The following ZNF385D variants were observed in gnomAD, a reference collection of about 807,000 sequenced individuals.
The protein encoded by ZNF385D is zinc finger protein 385D.
Under a neutral mutation model 35.8 loss-of-function variants are expected in ZNF385D, and 15 were observed. The ratio of observed to expected loss-of-function variants is 0.42; its 90% confidence interval spans 0.28 to 0.64. The LOEUF (loss-of-function observed/expected upper bound fraction) is 0.64, where lower values mean the gene tolerates loss of function less well. Among genes scored for constraint, ZNF385D ranks in the 30% least tolerant of loss-of-function variants. The pLI is 0.23. For synonymous variants in ZNF385D, 212 were observed against 186.8 expected, an observed-to-expected ratio of 1.13 and a Z score of -1.10; for missense variants, 474 against 494.6, an observed-to-expected ratio of 0.96 and a Z score of 0.39.
chr3:21,937,289 T>A (rs1310710778), intron 3 of ZNF385D, among the ~76,000 whole-genome samples: 1 of 152,126 alleles, frequency 6.6e-6, no homozygotes, highest in Non-Finnish European at 1.5e-5. Flanking sequence ...AATCACAGCC[T>A]CTTATTCTGC....
chr3:22,186,046 C>A (rs1468219646), intron 2 of ZNF385D, among the ~76,000 whole-genome samples: 1 of 152,126 alleles, frequency 6.6e-6, no homozygotes, highest in Non-Finnish European at 1.5e-5. Context: ...CAACTTGGGA[C>A]TTTCCTGGAC....
chr3:21,500,842 T>C (rs1706304585), intron 4 of ZNF385D, among the ~76,000 whole-genome samples: 1 of 152,180 alleles, frequency 6.6e-6, no homozygotes, highest in Non-Finnish European at 1.5e-5. Flanking sequence ...ACATTTCTTG[T>C]TTAGCTGGAA....
chr3:21,950,243 A>G (rs1236678923), intron 3 of ZNF385D, among the ~76,000 whole-genome samples: 3 of 151,750 alleles, frequency 2.0e-5, no homozygotes, highest in East Asian at 3.9e-4. Flanking sequence ...TTTAATGATC[A>G]CCATTCTAAC....
chr3:22,108,629 C>A (rs1165976523), intron 3 of ZNF385D, among the ~76,000 whole-genome samples: 1 of 152,096 alleles, frequency 6.6e-6, no homozygotes, highest in Non-Finnish European at 1.5e-5. Context: ...AGTTACTTAA[C>A]CTCTCTAAGG....
At chr3:21,439,965 GA>G (rs999157567) in intron 4 of ZNF385D, among the ~76,000 whole-genome samples, 3 of 151,948 alleles carry the variant, frequency 2.0e-5, no homozygotes, top group Admixed American at 1.3e-4. Context: ...TAGTGTGAAA[GA>G]AATAAAAAGT....
chr3:21,707,087 C>A (rs1168076683), intron 1 of ZNF385D, among the ~76,000 whole-genome samples: 1 of 151,934 alleles, frequency 6.6e-6, no homozygotes, highest in African/African-American at 2.4e-5. Flanking sequence ...GCTTTACTTG[C>A]CAAGAATATT....
At chr3:22,103,289 C>G (rs938036694) in intron 3 of ZNF385D, among the ~76,000 whole-genome samples, 1 of 151,284 alleles carries the variant, frequency 6.6e-6, no homozygotes, top group Non-Finnish European at 1.5e-5. Flanking sequence ...CATATCTAAT[C>G]ACTGTGGGCT....
intron 2 of ZNF385D, among the ~76,000 whole-genome samples, chr3:22,244,087 T>C (rs1160880414): frequency 6.6e-6 from 1 of 150,806 alleles, no homozygotes. Flanking sequence ...ACTTTTTATA[T>C]TTCCCCTTGA....
At position 21,687,394 on chromosome 3, in the gene ZNF385D, AATTT is replaced by A. The variant is rs1228589431; in HGVS notation, c.23-22370_23-22367del. On this transcript the variant is annotated intron_variant, in intron 1 of 7. Transcript: ENST00000281523. ...AATAAAACGAATATGTATAACTCAT[AATTT>A]TTTTTATTAATAGGCCACTTTTTGG... 2.0e-5 allele frequency among the ~76,000 whole-genome samples: 3 copies of A among 152,274 alleles called. No homozygotes were observed. In the South Asian group the frequency reaches 6.2e-4, roughly 32 times the overall value.
intron 3 of ZNF385D, among the ~76,000 whole-genome samples, chr3:22,141,273 A>C (rs1282777215): frequency 6.6e-6 from 1 of 150,478 alleles, no homozygotes; most frequent in Non-Finnish European, 1.5e-5. Flanking sequence ...GCAATATTTC[A>C]TTAAAAAAAA....
intron 3 of ZNF385D, among the ~76,000 whole-genome samples, chr3:21,961,847 T>A (rs1395298989): frequency 6.6e-6 from 1 of 152,078 alleles, no homozygotes; most frequent in Non-Finnish European, 1.5e-5. Context: ...AAGGAACATT[T>A]GCAGAAGTTG....
At chr3:22,176,317 CAT>C (rs1314868965) in intron 2 of ZNF385D, among the ~76,000 whole-genome samples, 2 of 152,108 alleles carry the variant, frequency 1.3e-5, no homozygotes, top group African/African-American at 2.4e-5. Flanking sequence ...CTGTTTGTCA[CAT>C]GTTATCATAA....
At chr3:21,769,290 A>G (rs940491199) in intron 3 of ZNF385D, among the ~76,000 whole-genome samples, 4 of 81,004 alleles carry the variant, frequency 4.9e-5, no homozygotes, top group East Asian at 6.2e-4. Context: ...GAGGAAGTCA[A>G]ATTGTCCCTG....
intron 2 of ZNF385D, among the ~76,000 whole-genome samples, chr3:21,640,015 A>C (rs2065555845): frequency 6.6e-6 from 1 of 152,070 alleles, no homozygotes; most frequent in Admixed American, 6.6e-5. Context: ...TTAAGCTTTT[A>C]AAAATTTAAA....
chr3:21,751,371 G>T (rs945241737), upstream of ZNF385D: 5 of 1,038,708 alleles, frequency 4.8e-6, no homozygotes, highest in African/African-American at 1.7e-5. Flanking sequence ...GGCGCGGGAG[G>T]CTCTCTTAAA....
At chr3:22,057,458 A>T (rs371325858) in intron 3 of ZNF385D, among the ~76,000 whole-genome samples, 2 of 152,162 alleles carry the variant, frequency 1.3e-5, no homozygotes, top group Non-Finnish European at 2.9e-5. Flanking sequence ...ATTAAATTGG[A>T]TAAAAGCAGA....
At chr3:22,117,072 C>T (rs1181222310) in intron 3 of ZNF385D, among the ~76,000 whole-genome samples, 3 of 152,010 alleles carry the variant, frequency 2.0e-5, no homozygotes, top group African/African-American at 7.2e-5. Context: ...AAACTGACCC[C>T]AAATTCAGGC....
chr3:22,076,731 G>C (rs977660012), intron 3 of ZNF385D, among the ~76,000 whole-genome samples: 1 of 151,896 alleles, frequency 6.6e-6, no homozygotes, highest in Non-Finnish European at 1.5e-5. Context: ...ATTCGGGTTA[G>C]GATTGTGCAC....
At chr3:22,353,468 A>G (rs1182008192) in intron 2 of ZNF385D, among the ~76,000 whole-genome samples, 1 of 152,108 alleles carries the variant, frequency 6.6e-6, no homozygotes, top group Non-Finnish European at 1.5e-5. Context: ...AGTACAGGAG[A>G]TGTGCCCAAT....
Sources: allele counts gnomAD v4.1 joint callset (sites outside exome capture counted in the v4.1 genomes callset), GRCh38; gene constraint gnomAD v4.1.1; transcripts MANE v1.5; gene names NCBI Gene and HGNC (gene_info 2026-07-23, HGNC 2026-07-21).